CADM2: variants seen among roughly 807,000 people sequenced by gnomAD.
The protein encoded by CADM2 is immunoglobulin superfamily member 4D.
In CADM2, 12 loss-of-function variants were observed where a neutral mutation model predicts 49.8. The ratio of observed to expected loss-of-function variants is 0.24; its 90% CI spans 0.15 to 0.39. CADM2 has a LOEUF of 0.39. CADM2 is among the 10% of genes least tolerant of loss of function. CADM2 has a pLI of 1.00. For synonymous variants in CADM2, 214 were observed against 175.4 expected, an observed-to-expected ratio of 1.22 and a Z score of -1.74; for missense variants, 378 against 492.3, an observed-to-expected ratio of 0.77 and a Z score of 2.20.
At chr3:84,982,702 C>CATATATATAT (rs71104999) in intron 1 of CADM2, among the ~76,000 whole-genome samples, 5,131 of 75,452 alleles carry the variant, frequency 0.068, 290 homozygotes, top group Non-Finnish European at 0.077. Context: ...AACTATAAAG[C>CATATATATAT]ATATATATAT....
intron 1 of CADM2, among the ~76,000 whole-genome samples, chr3:85,534,709 T>C (rs1046765545): frequency 3.9e-5 from 6 of 152,222 alleles, no homozygotes; most frequent in Admixed American, 1.3e-4. Context: ...TTTTAAGGGC[T>C]ATTAAGGTGA....
At chr3:85,453,038 C>G (rs976790462) in intron 1 of CADM2, among the ~76,000 whole-genome samples, 18 of 152,090 alleles carry the variant, frequency 1.2e-4, no homozygotes, top group African/African-American at 4.3e-4. Context: ...TTAAAGTGTA[C>G]TACTAGTAGT....
intron 5 of CADM2, among the ~76,000 whole-genome samples, chr3:85,896,045 C>G (rs1024406580): frequency 3.3e-5 from 5 of 152,158 alleles, no homozygotes; most frequent in Non-Finnish European, 5.9e-5. Context: ...AATCCCAGCC[C>G]TTTGTGGGGC....
At chr3:85,995,613 G>T (rs1407830320) in intron 8 of CADM2, among the ~76,000 whole-genome samples, 2 of 152,072 alleles carry the variant, frequency 1.3e-5, no homozygotes, top group Admixed American at 6.5e-5. Flanking sequence ...ATTTACTTAT[G>T]ACCATACACT....
At chr3:85,835,689 C>G (rs543299732) in intron 3 of CADM2, among the ~76,000 whole-genome samples, 2 of 149,062 alleles carry the variant, frequency 1.3e-5, no homozygotes, top group East Asian at 3.9e-4. Context: ...GTTTATGATA[C>G]AGCAAGTATT....
At position 85,512,741 on chromosome 3, in the gene CADM2, A is replaced by G. The variant is rs1576689553; in HGVS notation, c.62-213781A>G. On this transcript the variant is annotated intron_variant, in intron 1 of 9. Coordinates refer to ENST00000383699, the MANE Select transcript of CADM2 (RefSeq NM_001167675.2). ...CTTCATATACACATTGATTTTAAAG[A>G]ATGAACAGTTTGTAAAGATCATACA... Among the ~76,000 whole-genome samples, 4 of 152,046 alleles carry G rather than the reference A, an allele frequency of 2.6e-5. No homozygotes were observed. In the South Asian group the frequency reaches 8.3e-4, roughly 31 times the overall value.
In CADM2 at chr3:86,033,188, G is replaced by A. The variant is rs532891524; in HGVS notation, c.971-32417G>A. Among the ~76,000 whole-genome samples the A allele has an allele frequency of 5.9e-5, 9 of 151,804 alleles. No homozygotes were observed. The East Asian group carries it at 1.8e-3, about 30-fold the overall frequency. Reference sequence around the variant, plus strand: ...AGACAGACCTACACACCACTCCACAGGACCACCTCACTCATCACAGTCACC... The same window carrying A: ...AGACAGACCTACACACCACTCCACAAGACCACCTCACTCATCACAGTCACC... On this transcript the variant is annotated intron_variant, in intron 8 of 9. Transcript: ENST00000383699.
At chr3:85,752,693 A>G (rs1175277553) in intron 2 of CADM2, among the ~76,000 whole-genome samples, 1 of 152,094 alleles carries the variant, frequency 6.6e-6, no homozygotes, top group East Asian at 1.9e-4. Context: ...TTATTGCCCA[A>G]ATGCAAACAT....
At chr3:85,391,305 T>G (rs2034506980) in intron 1 of CADM2, among the ~76,000 whole-genome samples, 1 of 151,924 alleles carries the variant, frequency 6.6e-6, no homozygotes. Flanking sequence ...AGAAGTATAG[T>G]TTTGTGATAA....
intron 1 of CADM2, among the ~76,000 whole-genome samples, chr3:85,153,267 A>C (rs904525708): frequency 6.6e-6 from 1 of 152,286 alleles, no homozygotes; most frequent in Non-Finnish European, 1.5e-5. Flanking sequence ...GCATTGCCTC[A>C]CTCGGGAAGT....
At chr3:85,635,912 T>C (rs959400514) in intron 1 of CADM2, among the ~76,000 whole-genome samples, 1 of 152,142 alleles carries the variant, frequency 6.6e-6, no homozygotes, top group Admixed American at 6.5e-5. Flanking sequence ...GTTGCAGCCG[T>C]CATAACATTG....
In CADM2 at chr3:85,780,429, T is replaced by C. The variant is rs537797063; in HGVS notation, c.89-21618T>C. On this transcript the variant is annotated intron_variant, in intron 2 of 9. Coordinates refer to ENST00000383699, the MANE Select transcript of CADM2 (RefSeq NM_001167675.2). ...AAGTCTACTGGGTCACAATGAACTT[T>C]ATACAACACCATTGATACTAACTTA... Among the ~76,000 whole-genome samples, 61 of 152,202 alleles carry C rather than the reference T, an allele frequency of 4.0e-4. 1 individual carries two copies. The highest frequency in any genetic ancestry group is 6.9e-4 in the Non-Finnish European group (47 of 68,034).
At chr3:85,423,595 G>T (rs1233267709) in intron 1 of CADM2, among the ~76,000 whole-genome samples, 3 of 152,152 alleles carry the variant, frequency 2.0e-5, no homozygotes, top group Admixed American at 2.0e-4. Context: ...TTATGAATCT[G>T]CTAGCAAAGA....
chr3:85,638,300 T>C (rs1257267053), intron 1 of CADM2, among the ~76,000 whole-genome samples: 1 of 152,310 alleles, frequency 6.6e-6, no homozygotes, highest in Non-Finnish European at 1.5e-5. Context: ...TAAATAAAGT[T>C]GTTTAATTCT....
rs1234388969 is a variant in CADM2, at chr3:86,073,882, A to G, written c.*7099A>G. ...ATTTTCTTTGTAAATTTCTAAGTGG[A>G]AGTTTTAAAAATTAAGCATCAGTAA... On this transcript the variant is annotated 3_prime_UTR_variant, in exon 10 of 10. Transcript: ENST00000383699. The G allele has an allele frequency of 6.6e-6, 1 of 151,884 alleles. No individual in the cohort carries two copies. The highest frequency in any genetic ancestry group is 1.5e-5 in the Non-Finnish European group (1 of 67,846). 9.4% of individuals were successfully genotyped at this position (151,884 alleles called of 1,614,324 possible). A position where few individuals can be genotyped will look rare whatever the true frequency, so the allele number is the denominator to read the frequency against.
intron 1 of CADM2, among the ~76,000 whole-genome samples, chr3:85,591,310 G>A (rs2063101222): frequency 6.6e-6 from 1 of 151,914 alleles, no homozygotes; most frequent in Non-Finnish European, 1.5e-5. Context: ...ATGTACTTTT[G>A]GAAGTCTGGA....
chr3:85,284,605 T>G (rs956438718), intron 1 of CADM2, among the ~76,000 whole-genome samples: 2 of 152,068 alleles, frequency 1.3e-5, no homozygotes, highest in African/African-American at 4.8e-5. Context: ...GGAGGAACAT[T>G]CCCAGCTGAG....
At chr3:85,065,495 A>C (rs1419614915) in intron 1 of CADM2, among the ~76,000 whole-genome samples, 2 of 152,140 alleles carry the variant, frequency 1.3e-5, no homozygotes, top group Non-Finnish European at 2.9e-5. Context: ...ATCTCAATAC[A>C]CCTTCATGCT....
chr3:86,065,577 T>C (rs374310100), intron 8 of CADM2, 28 bp from the exon 9 acceptor site: 21 of 1,598,198 alleles, frequency 1.3e-5, no homozygotes, highest in Non-Finnish European at 1.7e-5. Context: ...ACACATTAAA[T>C]AGAACAATAT....
Sources: gnomAD v4.1 joint callset for allele counts (sites outside exome capture counted in the v4.1 genomes callset) on GRCh38, gnomAD v4.1.1 for gene constraint, MANE v1.5 for transcripts, NCBI Gene and HGNC (gene_info 2026-07-23, HGNC 2026-07-21) for gene names.